FSTL5: variants seen among roughly 807,000 people sequenced by gnomAD.
FSTL5 encodes follistatin like 5.
A neutral mutation model predicts 89.1 loss-of-function variants in FSTL5; 62 were observed. That is an observed-to-expected ratio of 0.70 (90% CI 0.57 to 0.86). The LOEUF is 0.86. FSTL5 is among the 40% of genes least tolerant of loss of function. The pLI, the probability that FSTL5 is intolerant of heterozygous loss-of-function variation, is 0.00. For missense variants in FSTL5, 1,057 were observed against 1,001.6 expected, an observed-to-expected ratio of 1.06 and a Z score of -0.75; for synonymous variants, 383 against 346.2, an observed-to-expected ratio of 1.11 and a Z score of -1.18.
intron 8 of FSTL5, among the ~76,000 whole-genome samples, chr4:161,547,423 A>G (rs1467263073): frequency 6.6e-6 from 1 of 151,956 alleles, no homozygotes; most frequent in Non-Finnish European, 1.5e-5. Context: ...CAGCATAGAT[A>G]ACTAATAAAA....
At chr4:162,146,656 C>T (rs540319015) in intron 1 of FSTL5, among the ~76,000 whole-genome samples, 3 of 145,632 alleles carry the variant, frequency 2.1e-5, no homozygotes, top group South Asian at 2.2e-4. Context: ...TGTTTTTTAC[C>T]TAATGTCCCT....
intron 4 of FSTL5, among the ~76,000 whole-genome samples, chr4:161,795,020 A>ATTTGTATT (rs1346062132): frequency 6.6e-6 from 1 of 151,872 alleles, no homozygotes; most frequent in East Asian, 1.9e-4. Flanking sequence ...TACACAATAT[A>ATTTGTATT]TTTGTATTTT....
intron 13 of FSTL5, among the ~76,000 whole-genome samples, chr4:161,466,709 G>A (rs1733759290): frequency 6.6e-6 from 1 of 151,956 alleles, no homozygotes; most frequent in Non-Finnish European, 1.5e-5. Flanking sequence ...AACTTTGATG[G>A]TGAGAAAAGC....
chr4:161,673,153 T>C (rs1260917137), intron 6 of FSTL5, among the ~76,000 whole-genome samples: 1 of 152,108 alleles, frequency 6.6e-6, no homozygotes, highest in Non-Finnish European at 1.5e-5. Context: ...ATGTACTGGA[T>C]TTAAATTACA....
chr4:161,728,838 A>G (rs1739508386), intron 6 of FSTL5, among the ~76,000 whole-genome samples: 1 of 152,126 alleles, frequency 6.6e-6, no homozygotes, highest in Non-Finnish European at 1.5e-5. Context: ...TTTCAAATTA[A>G]TAGGTATTAT....
chr4:161,562,654 GATCT>G, intron 8 of FSTL5, among the ~76,000 whole-genome samples: 1 of 151,692 alleles, frequency 6.6e-6, no homozygotes. Flanking sequence ...AGTGTATGCA[GATCT>G]ATTTGATTTT....
chr4:161,538,396 C>T, intron 9 of FSTL5, 96 bp from the exon 10 acceptor site: 1 of 1,323,474 alleles, frequency 7.6e-7, no homozygotes, highest in South Asian at 1.3e-5. Flanking sequence ...TTGGCTTGTC[C>T]TAATTAAACT....
intron 15 of FSTL5, among the ~76,000 whole-genome samples, chr4:161,451,004 A>G (rs891533687): frequency 2.0e-5 from 3 of 152,076 alleles, no homozygotes; most frequent in Non-Finnish European, 4.4e-5. Flanking sequence ...TCGGCCTCCC[A>G]AAGTGCTGGG....
chr4:161,479,674 T>C (rs1032306214), intron 13 of FSTL5, among the ~76,000 whole-genome samples: 50 of 152,254 alleles, frequency 3.3e-4, no homozygotes, highest in Non-Finnish European at 4.4e-5. Flanking sequence ...GACCATTAGA[T>C]TGTATATTCA....
chr4:161,466,701 C>A (rs1172548094), intron 13 of FSTL5, among the ~76,000 whole-genome samples: 1 of 151,950 alleles, frequency 6.6e-6, no homozygotes, highest in African/African-American at 2.4e-5. Context: ...CTTACAAAAA[C>A]TTTGATGGTG....
Position 161,729,752 on chromosome 4 carries a change from A to G in FSTL5, c.727+29659T>C, listed in dbSNP as rs554462040. Among the ~76,000 whole-genome samples the G allele has an allele frequency of 7.3e-4, 111 of 152,344 alleles. 1 individual carries two copies. In the South Asian group the frequency reaches 0.022, roughly 31 times the overall value. ...TATTCATTGACTTCCACAGGTGTTT[A>G]CGAAGAAGGTGGGCAATAACACTCG... On this transcript the variant is annotated intron_variant, in intron 6 of 15. Transcript: ENST00000306100.
intron 8 of FSTL5, among the ~76,000 whole-genome samples, chr4:161,570,996 C>G (rs1233342314): frequency 6.6e-6 from 1 of 151,836 alleles, no homozygotes; most frequent in Non-Finnish European, 1.5e-5. Context: ...TGCATGTAGT[C>G]CCAGCTACTA....
chr4:161,487,252 A>C (rs1053978293), intron 12 of FSTL5, among the ~76,000 whole-genome samples: 1 of 152,202 alleles, frequency 6.6e-6, no homozygotes, highest in African/African-American at 2.4e-5. Flanking sequence ...ATAGCCAAAA[A>C]GAAAAAATAG....
At chr4:161,412,136 G>A (rs1210397116) in intron 15 of FSTL5, among the ~76,000 whole-genome samples, 1 of 151,984 alleles carries the variant, frequency 6.6e-6, no homozygotes, top group African/African-American at 2.4e-5. Context: ...TAAACAAGGA[G>A]GGTGAAAGAC....
At chr4:161,515,443 G>A (rs1439093143) in intron 10 of FSTL5, among the ~76,000 whole-genome samples, 1 of 151,990 alleles carries the variant, frequency 6.6e-6, no homozygotes, top group African/African-American at 2.4e-5. Flanking sequence ...CTGACCTCAG[G>A]TGATCCACCC....
At chr4:161,708,981 T>C (rs1241987794) in intron 6 of FSTL5, among the ~76,000 whole-genome samples, 3 of 152,194 alleles carry the variant, frequency 2.0e-5, no homozygotes, top group Non-Finnish European at 4.4e-5. Context: ...ACTGTTGTAA[T>C]ACCATTTAAA....
chr4:161,576,623 GA>G (rs200166152), intron 8 of FSTL5, among the ~76,000 whole-genome samples: 2,420 of 152,296 alleles, frequency 0.016, 28 homozygotes, highest in Non-Finnish European at 0.026. Flanking sequence ...GCCATATGCA[GA>G]AAATAGAAAC....
At chr4:161,577,034 T>C (rs1324813853) in intron 8 of FSTL5, among the ~76,000 whole-genome samples, 1 of 152,218 alleles carries the variant, frequency 6.6e-6, no homozygotes, top group African/African-American at 2.4e-5. Context: ...GCAATTGTTA[T>C]AGGAAATCTA....
At chr4:161,950,689 T>C (rs914816361) in intron 3 of FSTL5, among the ~76,000 whole-genome samples, 6 of 152,102 alleles carry the variant, frequency 3.9e-5, no homozygotes, top group African/African-American at 1.4e-4. Context: ...CTCTCAAATA[T>C]CCTGACCTGT....
Sources: allele counts gnomAD v4.1 joint callset (sites outside exome capture counted in the v4.1 genomes callset), GRCh38; gene constraint gnomAD v4.1.1; transcripts MANE v1.5; gene names NCBI Gene and HGNC (gene_info 2026-07-23, HGNC 2026-07-21).